ISM1: variants seen among roughly 807,000 people sequenced by gnomAD.
ISM1 encodes isthmin 1.
In ISM1, 25 loss-of-function variants were observed where a neutral mutation model predicts 46.3. The observed-to-expected ratio is 0.54, with a 90% CI of 0.39 to 0.75. ISM1 has a LOEUF of 0.75. Ranked by LOEUF, ISM1 falls within the 30% of genes least tolerant of loss-of-function variation. ISM1 has a pLI of 0.00. For missense variants in ISM1, 536 were observed against 625.4 expected, an observed-to-expected ratio of 0.86 and a Z score of 1.52; for synonymous variants, 255 against 256.7, an observed-to-expected ratio of 0.99 and a Z score of 0.06.
intron 5 of ISM1, among the ~76,000 whole-genome samples, chr20:13,294,188 A>G (rs2040384369): frequency 6.6e-6 from 1 of 152,154 alleles, no homozygotes; most frequent in South Asian, 2.1e-4. Flanking sequence ...TTATATCTTA[A>G]TTTTTTAAAT....
At chr20:13,259,077 G>A (rs1211629022) in intron 1 of ISM1, among the ~76,000 whole-genome samples, 1 of 152,168 alleles carries the variant, frequency 6.6e-6, no homozygotes, top group African/African-American at 2.4e-5. Flanking sequence ...GAGGTCAGGA[G>A]TTCAAGACCA....
At chr20:13,268,272 G>T (rs769320701) in intron 1 of ISM1, among the ~76,000 whole-genome samples, 11 of 114,184 alleles carry the variant, frequency 9.6e-5, no homozygotes, top group African/African-American at 2.0e-4. Context: ...CTTCTCTCTC[G>T]CTCCTTCTCT....
intron 1 of ISM1, among the ~76,000 whole-genome samples, chr20:13,227,240 A>G (rs551868328): frequency 5.4e-4 from 82 of 152,170 alleles, no homozygotes; most frequent in African/African-American, 1.9e-3. Context: ...GTCTCACTCT[A>G]TCTCCCAGGC....
At chr20:13,257,366 A>C (rs2039940116) in intron 1 of ISM1, among the ~76,000 whole-genome samples, 1 of 152,040 alleles carries the variant, frequency 6.6e-6, no homozygotes, top group Non-Finnish European at 1.5e-5. Flanking sequence ...AATACAAAAA[A>C]ATTAGCCAAG....
At chr20:13,311,216 T>TGATAGACAGATAGATAGATA in the ISM1 span, among the ~76,000 whole-genome samples, 1 of 133,206 alleles carries the variant, frequency 7.5e-6, no homozygotes, top group African/African-American at 2.9e-5. Context: ...TATAGATAGA[T>TGATAGACAGATAGATAGATA]GATAGATAGA....
At chr20:13,234,655 T>C (rs769573146) in intron 1 of ISM1, among the ~76,000 whole-genome samples, 1 of 152,248 alleles carries the variant, frequency 6.6e-6, no homozygotes, top group African/African-American at 2.4e-5. Flanking sequence ...TTCTGACTTG[T>C]GTAAAATGGT....
chr20:13,294,195 A>T (rs1217710159), intron 5 of ISM1, among the ~76,000 whole-genome samples: 1 of 152,140 alleles, frequency 6.6e-6, no homozygotes, highest in Non-Finnish European at 1.5e-5. Flanking sequence ...TTAATTTTTT[A>T]AATGCTTGAT....
intron 3 of ISM1, among the ~76,000 whole-genome samples, chr20:13,286,123 AC>A (rs1408339240): frequency 1.3e-5 from 2 of 150,804 alleles, no homozygotes; most frequent in Non-Finnish European, 3.0e-5. Context: ...TTTACTTTTG[AC>A]CTTTTTTTAG....
Position 13,288,731 on chromosome 20 carries a change from T to C in ISM1, c.787+48T>C, listed in dbSNP as rs553741801. On this transcript the variant is annotated intron_variant, in intron 4 of 5. Transcript: ENST00000262487. ...CTCCAAGTTCAAGGGGAAAGCTTTTTAATTTATCATTAAAAACTTAGTGAC... is the reference window on the plus strand; with the variant it reads ...CTCCAAGTTCAAGGGGAAAGCTTTTCAATTTATCATTAAAAACTTAGTGAC... 536 of 1,549,284 alleles carry C rather than the reference T, an allele frequency of 3.5e-4. 8 individuals are homozygous for C. Among genetic ancestry groups the C allele is most frequent in the Middle Eastern group, 2.9e-3 (17 of 5,790 alleles).
chr20:13,229,347 G>A (rs1299858611), intron 1 of ISM1, among the ~76,000 whole-genome samples: 2 of 152,168 alleles, frequency 1.3e-5, no homozygotes, highest in Admixed American at 6.5e-5. Flanking sequence ...TCCTTCCAGA[G>A]GCAACCAATT....
At chr20:13,322,922 T>C in the ISM1 span, among the ~76,000 whole-genome samples, 1 of 152,130 alleles carries the variant, frequency 6.6e-6, no homozygotes. Flanking sequence ...CTCTTAACAT[T>C]CCATTTAGAA....
intron 2 of ISM1, among the ~76,000 whole-genome samples, chr20:13,275,523 G>A (rs1457583177): frequency 6.6e-6 from 1 of 152,186 alleles, no homozygotes; most frequent in Non-Finnish European, 1.5e-5. Context: ...TTGGGATCAG[G>A]CACCACCATT....
Position 13,299,232 on chromosome 20 carries a change from A to C in ISM1, c.1168A>C (p.Asn390His), listed in dbSNP as rs1327422297. The change falls in exon 6 of 6, where the codon AAC becomes CAC. Residue 390 changes from asparagine to histidine, a missense_variant. By Grantham distance (68) the Asn-to-His change is moderately conservative. This residue lies in a region of ISM1 where 169 missense variants were observed against 249.3 expected (regional missense o/e 0.68). Coordinates refer to ENST00000262487, the MANE Select transcript of ISM1 (RefSeq NM_080826.2). This position sits in a 1 kb window ranked among gnomAD's most constrained non-coding sequence, Gnocchi z 5.8. ...GGCACAGCACTGCTGCTACGGCGACAACATGCAGCTCATCACCAGGGGCAA... is the reference window on the plus strand; with the variant it reads ...GGCACAGCACTGCTGCTACGGCGACCACATGCAGCTCATCACCAGGGGCAA... ...LAAQHCCYGD[N>H]MQLITRGKGA... The C allele has an allele frequency of 6.2e-7, 1 of 1,602,050 alleles. No individual in the cohort carries two copies. Among genetic ancestry groups the C allele is most frequent in the Non-Finnish European group, 8.5e-7 (1 of 1,174,344 alleles).
chr20:13,319,773 G>T, the ISM1 span, among the ~76,000 whole-genome samples: 25 of 152,314 alleles, frequency 1.6e-4, no homozygotes, highest in South Asian at 4.8e-3. Flanking sequence ...TGAGAGAGAC[G>T]TGGGGACAGC....
At chr20:13,308,421 CAG>C in the ISM1 span, among the ~76,000 whole-genome samples, 14 of 152,002 alleles carry the variant, frequency 9.2e-5, no homozygotes, top group Non-Finnish European at 1.8e-4. Flanking sequence ...GATGAGGAAA[CAG>C]AAACTCTTAC....
chr20:13,246,939 T>A (rs1436812342), intron 1 of ISM1, among the ~76,000 whole-genome samples: 3 of 151,422 alleles, frequency 2.0e-5, no homozygotes, highest in South Asian at 2.1e-4. Flanking sequence ...GATTTAAAAA[T>A]ATATATATGT....
the ISM1 span, among the ~76,000 whole-genome samples, chr20:13,316,981 G>GA: frequency 6.6e-6 from 1 of 151,504 alleles, no homozygotes; most frequent in African/African-American, 2.4e-5. Context: ...GATTGAGAAG[G>GA]AAAAAAAGGA....
intron 5 of ISM1, among the ~76,000 whole-genome samples, chr20:13,298,306 CT>C (rs913847270): frequency 2.0e-5 from 3 of 152,074 alleles, no homozygotes; most frequent in African/African-American, 7.2e-5. Context: ...GGGGTTTCAC[CT>C]TGTTGGCCAG....
intron 1 of ISM1, among the ~76,000 whole-genome samples, chr20:13,263,556 G>T (rs1471669370): frequency 6.6e-6 from 1 of 152,166 alleles, no homozygotes; most frequent in Non-Finnish European, 1.5e-5. Flanking sequence ...CAAAACTTTT[G>T]CTCTTCCCTT....
Sources: allele counts gnomAD v4.1 joint callset (sites outside exome capture counted in the v4.1 genomes callset), GRCh38; gene constraint gnomAD v4.1.1; regional missense constraint gnomAD v4.1.1; non-coding constraint Gnocchi (gnomAD v3.1); transcripts MANE v1.5; gene names NCBI Gene and HGNC (gene_info 2026-07-23, HGNC 2026-07-21).